Variants in CCSER1 observed in about 807,000 individuals in gnomAD.
The protein encoded by CCSER1 is serine-rich coiled-coil domain-containing protein 1.
A neutral mutation model predicts 82.0 loss-of-function variants in CCSER1; 41 were observed. The ratio of observed to expected loss-of-function variants is 0.50; its 90% CI spans 0.39 to 0.65. The LOEUF (loss-of-function observed/expected upper bound fraction) is 0.65. Ranked by LOEUF, CCSER1 falls within the 30% of genes least tolerant of loss-of-function variation. The probability of loss-of-function intolerance (pLI) is 0.00; values close to 1 mark genes in which losing one functional copy is unlikely to be tolerated. For synonymous variants in CCSER1, 414 were observed against 383.9 expected (o/e 1.08, Z -0.92); for missense variants, 1,119 against 1,064.2 (o/e 1.05, Z -0.72).
chr4:90,997,705 C>T (rs1737623358), intron 9 of CCSER1, among the ~76,000 whole-genome samples: 1 of 152,102 alleles, frequency 6.6e-6, no homozygotes, highest in African/African-American at 2.4e-5. Context: ...TTGCATAGTT[C>T]TTATTATTAA....
chr4:90,573,211 G>T (rs1579239759), intron 5 of CCSER1, among the ~76,000 whole-genome samples: 1 of 152,242 alleles, frequency 6.6e-6, no homozygotes, highest in South Asian at 2.1e-4. Flanking sequence ...GCTGGGATGT[G>T]CCTGAAGCAC....
intron 10 of CCSER1, among the ~76,000 whole-genome samples, chr4:91,376,392 A>T (rs1248252146): frequency 6.6e-6 from 1 of 152,174 alleles, no homozygotes; most frequent in African/African-American, 2.4e-5. Flanking sequence ...CACAATGGGA[A>T]GTATTCGTGT....
chr4:90,943,144 A>G (rs1731793811), intron 9 of CCSER1, among the ~76,000 whole-genome samples: 1 of 151,960 alleles, frequency 6.6e-6, no homozygotes, highest in South Asian at 2.1e-4. Flanking sequence ...GAGGCTGGCA[A>G]GATTTCTGAC....
At position 90,556,838 on chromosome 4, in the gene CCSER1, C is replaced by T. The variant is rs955939522; in HGVS notation, c.1725-71187C>T. Among the ~76,000 whole-genome samples the T allele has an allele frequency of 3.4e-5, 5 of 146,730 alleles. No individual in the cohort carries two copies. The South Asian group carries it at 8.7e-4, about 25-fold the overall frequency. ...CAAACTTACACTGTTCAAGGAACAA[C>T]TGTATATCTATATGTGTATATATAT... On this transcript the variant is annotated intron_variant, in intron 5 of 10. Transcript: ENST00000509176.
At chr4:91,173,357 G>C (rs937639200) in intron 10 of CCSER1, among the ~76,000 whole-genome samples, 2 of 152,138 alleles carry the variant, frequency 1.3e-5, no homozygotes, top group East Asian at 3.9e-4. Flanking sequence ...CACTTTGGGA[G>C]ACCCAGGTGT....
chr4:91,321,958 A>C (rs1473130483), intron 10 of CCSER1, among the ~76,000 whole-genome samples: 3 of 152,146 alleles, frequency 2.0e-5, no homozygotes, highest in African/African-American at 7.2e-5. Context: ...AATGGAATTC[A>C]CTAAGGATAG....
At chr4:90,786,928 C>A (rs897087) in intron 7 of CCSER1, among the ~76,000 whole-genome samples, 80,613 of 152,102 alleles carry the variant, frequency 0.53, 21,965 homozygotes, top group African/African-American at 0.65. Flanking sequence ...CTATAACCCC[C>A]TTTTTGTGTT....
intron 5 of CCSER1, among the ~76,000 whole-genome samples, chr4:90,500,815 A>T (rs1300492225): frequency 6.6e-6 from 1 of 152,166 alleles, no homozygotes; most frequent in Non-Finnish European, 1.5e-5. Context: ...TTTCGAAATT[A>T]TGCCCAATAT....
Position 90,628,148 on chromosome 4 carries a change from A to G in CCSER1, c.1848A>G (p.Ile616Met), listed in dbSNP as rs267600296. The G allele has an allele frequency of 6.2e-7, 1 of 1,613,776 alleles. No individual in the cohort carries two copies. Among genetic ancestry groups the G allele is most frequent in the Non-Finnish European group, 8.5e-7 (1 of 1,179,814 alleles). The change falls in exon 6 of 11, where the codon ATA becomes ATG. Residue 616 changes from isoleucine to methionine, a missense_variant. Ile to Met is a conservative substitution (Grantham distance 10). Coordinates refer to ENST00000509176, the MANE Select transcript of CCSER1 (RefSeq NM_001145065.2). ...PLQGVEENGGIDSLPFRLMLQ... is the reference protein window; with the variant it reads ...PLQGVEENGGMDSLPFRLMLQ... ...AAGGTGTGGAAGAAAACGGAGGCAT[A>G]GATTCTCTGCCATTCAGACTGATGT...
intron 10 of CCSER1, among the ~76,000 whole-genome samples, chr4:91,265,301 CTA>C (rs1166816361): frequency 3.3e-5 from 5 of 151,922 alleles, no homozygotes; most frequent in African/African-American, 1.2e-4. Flanking sequence ...CAATCATAAA[CTA>C]TTATATATTA....
chr4:91,309,075 A>T (rs1330436246), intron 10 of CCSER1, among the ~76,000 whole-genome samples: 1 of 151,906 alleles, frequency 6.6e-6, no homozygotes, highest in African/African-American at 2.4e-5. Context: ...CTTGCATATT[A>T]TTCTAAAGTA....
intron 1 of CCSER1, among the ~76,000 whole-genome samples, chr4:90,217,731 T>G (rs970699988): frequency 5.9e-5 from 9 of 152,132 alleles, no homozygotes; most frequent in Non-Finnish European, 1.2e-4. Flanking sequence ...GGCTGTGTGT[T>G]TGTTATAAAT....
In CCSER1 at chr4:90,732,056, T is replaced by TCTCTCTCA. The variant is rs761678318; in HGVS notation, c.2010+8070_2010+8071insTCACTCTC. ...CTCTCTCTCTCTCTCTCTCTCTCTC[T>TCTCTCTCA]CTCTCACTGCTCTATTCTACTTCTG... On this transcript the variant is annotated intron_variant, in intron 7 of 10. Coordinates refer to ENST00000509176, the MANE Select transcript of CCSER1 (RefSeq NM_001145065.2). 4.1e-3 allele frequency among the ~76,000 whole-genome samples: 594 copies of TCTCTCTCA among 144,710 alleles called. 4 individuals are homozygous for TCTCTCTCA. Among genetic ancestry groups the TCTCTCTCA allele is most frequent in the African/African-American group, 0.013 (527 of 40,048 alleles). 94.9% of individuals were successfully genotyped at this position (144,710 alleles called of 152,430 possible).
intron 1 of CCSER1, among the ~76,000 whole-genome samples, chr4:90,233,204 C>T (rs191858556): frequency 1.3e-5 from 2 of 151,996 alleles, no homozygotes; most frequent in Non-Finnish European, 2.9e-5. Flanking sequence ...TTCACAATAG[C>T]AAAGACTTGG....
At chr4:91,315,703 C>A (rs529940112) in intron 10 of CCSER1, among the ~76,000 whole-genome samples, 16 of 152,046 alleles carry the variant, frequency 1.1e-4, no homozygotes, top group African/African-American at 3.6e-4. Flanking sequence ...ATAAAAAATT[C>A]ATCTAATACT....
chr4:91,109,316 A>T (rs1354860175), intron 10 of CCSER1, among the ~76,000 whole-genome samples: 1 of 152,060 alleles, frequency 6.6e-6, no homozygotes, highest in Non-Finnish European at 1.5e-5. Flanking sequence ...TGATGTATCA[A>T]TCTATCATGT....
At chr4:90,670,824 T>C (rs997174764) in intron 6 of CCSER1, among the ~76,000 whole-genome samples, 2 of 151,984 alleles carry the variant, frequency 1.3e-5, no homozygotes, top group African/African-American at 4.8e-5. Flanking sequence ...GCCCTCCTCC[T>C]TTATCCAGGA....
At chr4:90,953,256 A>G (rs1733102206) in intron 9 of CCSER1, among the ~76,000 whole-genome samples, 1 of 151,954 alleles carries the variant, frequency 6.6e-6, no homozygotes. Context: ...ACAGAACTGA[A>G]GGTGATCATC....
At chr4:90,381,183 C>G (rs1383916341) in intron 3 of CCSER1, among the ~76,000 whole-genome samples, 4 of 152,248 alleles carry the variant, frequency 2.6e-5, no homozygotes, top group Non-Finnish European at 5.9e-5. Flanking sequence ...GATCGTGCCC[C>G]ACTACCCACC....
Sources: gnomAD v4.1 joint callset for allele counts (sites outside exome capture counted in the v4.1 genomes callset) on GRCh38, gnomAD v4.1.1 for gene constraint, MANE v1.5 for transcripts, NCBI Gene and HGNC (gene_info 2026-07-23, HGNC 2026-07-21) for gene names.